PCDH11X: variants seen among roughly 807,000 people sequenced by gnomAD.
PCDH11X encodes protocadherin-11 X-linked.
A neutral mutation model predicts 53.3 loss-of-function variants in PCDH11X; 18 were observed. The ratio of observed to expected loss-of-function variants is 0.34; its 90% CI spans 0.23 to 0.50. PCDH11X has a LOEUF of 0.50. Among genes scored for constraint, PCDH11X ranks in the 20% least tolerant of loss-of-function variants. The pLI is 0.98. For missense variants in PCDH11X, 570 were observed against 1,032.4 expected (o/e 0.55, Z 6.14); for synonymous variants, 279 against 393.3 (o/e 0.71, Z 3.44).
At chrX:92,296,607 C>T (rs1413647260) in intron 8 of PCDH11X, among the ~76,000 whole-genome samples, 1 of 111,216 alleles carries the variant, frequency 9.0e-6, no homozygotes, top group East Asian at 2.8e-4. Flanking sequence ...CATAGTATTC[C>T]ATGATACCTA....
chrX:92,258,211 A>G (rs1395269206), intron 7 of PCDH11X, among the ~76,000 whole-genome samples: 2 of 111,024 alleles, frequency 1.8e-5, no homozygotes, highest in Admixed American at 9.6e-5. Context: ...GCAGTGCAGC[A>G]GGGTCCTCAG....
chrX:92,543,005 A>G (rs1055162406), intron 10 of PCDH11X, among the ~76,000 whole-genome samples: 2 of 111,278 alleles, frequency 1.8e-5, no homozygotes, highest in African/African-American at 6.5e-5. Flanking sequence ...TTAGCCTACA[A>G]TTTTATCCTT....
chrX:91,879,903 T>C (rs1317773284), intron 6 of PCDH11X: 4 of 714,776 alleles, frequency 5.6e-6, no homozygotes, highest in Admixed American at 1.7e-4. Flanking sequence ...TTCTCATCTT[T>C]AAGCCAGAGA....
At chrX:92,250,804 G>A (rs1040829977) in intron 7 of PCDH11X, among the ~76,000 whole-genome samples, 1 of 109,208 alleles carries the variant, frequency 9.2e-6, no homozygotes, top group Non-Finnish European at 1.9e-5. Flanking sequence ...GTAATTTATA[G>A]AGATGGAAAT....
At chrX:92,547,024 A>G (rs745478586) in intron 10 of PCDH11X, among the ~76,000 whole-genome samples, 1 of 109,574 alleles carries the variant, frequency 9.1e-6, no homozygotes, top group South Asian at 4.0e-4. Flanking sequence ...CATTCACTGC[A>G]TGGGAAGAAA....
At chrX:91,782,021 T>A (rs953948393) in intron 1 of PCDH11X, among the ~76,000 whole-genome samples, 1 of 108,945 alleles carries the variant, frequency 9.2e-6, no homozygotes, top group Non-Finnish European at 1.9e-5. Flanking sequence ...AGCCCCTCCT[T>A]CTGGCAATGA....
chrX:92,213,465 A>G (rs1415812291), intron 7 of PCDH11X, among the ~76,000 whole-genome samples: 1 of 111,578 alleles, frequency 9.0e-6, no homozygotes, highest in African/African-American at 3.3e-5. Flanking sequence ...CAAGTGTTTG[A>G]TAGGGGGATT....
intron 10 of PCDH11X, among the ~76,000 whole-genome samples, chrX:92,484,299 G>C (rs184295416): frequency 9.9e-6 from 1 of 101,333 alleles, no homozygotes; most frequent in Non-Finnish European, 2.0e-5. Flanking sequence ...ATATATGTGT[G>C]TGTATATATA....
At chrX:92,557,273 A>G (rs2075060422) in intron 10 of PCDH11X, among the ~76,000 whole-genome samples, 1 of 111,064 alleles carries the variant, frequency 9.0e-6, no homozygotes, top group African/African-American at 3.3e-5. Context: ...CTCCCCCAGA[A>G]AATGAAATGG....
chrX:91,785,005 T>C (rs1935281679), intron 1 of PCDH11X, among the ~76,000 whole-genome samples: 1 of 107,751 alleles, frequency 9.3e-6, no homozygotes, highest in African/African-American at 3.4e-5. Flanking sequence ...TATATTTTTA[T>C]TATGCCTGCA....
intron 6 of PCDH11X, among the ~76,000 whole-genome samples, chrX:92,102,532 G>T (rs1471589094): frequency 1.8e-5 from 2 of 111,460 alleles, no homozygotes; most frequent in African/African-American, 6.5e-5. Context: ...TGTGTTTTTA[G>T]GAGAATTATG....
chrX:92,241,378 C>T (rs918594033), intron 7 of PCDH11X, among the ~76,000 whole-genome samples: 1 of 111,678 alleles, frequency 9.0e-6, no homozygotes, highest in Non-Finnish European at 1.9e-5. Flanking sequence ...TGGTGTGCAA[C>T]GACTTATGAA....
intron 6 of PCDH11X, among the ~76,000 whole-genome samples, chrX:92,051,871 C>G (rs1276704476): frequency 9.1e-6 from 1 of 109,488 alleles, no homozygotes; most frequent in African/African-American, 3.3e-5. Context: ...CAGTATGACA[C>G]TTAAATTATA....
intron 10 of PCDH11X, among the ~76,000 whole-genome samples, chrX:92,590,831 G>A (rs866784815): frequency 9.0e-6 from 1 of 110,744 alleles, no homozygotes; most frequent in Middle Eastern, 4.2e-3. Context: ...TTAACTCAGA[G>A]AAGCCTCCTT....
chrX:92,477,848 G>T (rs1324907168), intron 10 of PCDH11X, among the ~76,000 whole-genome samples: 1 of 104,312 alleles, frequency 9.6e-6, no homozygotes, highest in African/African-American at 3.5e-5. Flanking sequence ...ATTTCTAATT[G>T]TGTTTATTTG....
chrX:92,522,498 G>C (rs1335601550), intron 10 of PCDH11X, among the ~76,000 whole-genome samples: 1 of 110,792 alleles, frequency 9.0e-6, no homozygotes, highest in East Asian at 2.9e-4. Flanking sequence ...AATATTGTGA[G>C]AGTTACCAAA....
intron 9 of PCDH11X, among the ~76,000 whole-genome samples, chrX:92,453,327 T>A (rs2072840061): frequency 9.0e-6 from 1 of 111,128 alleles, no homozygotes; most frequent in Non-Finnish European, 1.9e-5. Flanking sequence ...TAGTCATGAG[T>A]ATCTGTTCTA....
rs1407106215 is a variant in PCDH11X at position 92,619,644 on chromosome X, T to C, written c.*704T>C. 1 of 109,766 alleles carries C rather than the reference T, an allele frequency of 9.1e-6. No individual in the cohort carries two copies. Among genetic ancestry groups the C allele is most frequent in the Non-Finnish European group, 1.9e-5 (1 of 52,707 alleles). 9.0% of individuals were successfully genotyped at this position (109,766 alleles called of 1,213,427 possible). Reference sequence around the variant, plus strand: ...CTATTTCTCTACTCTTTAGTAGAGTTCGAGACACAGAAGTGCAATAACTGC... The same window carrying C: ...CTATTTCTCTACTCTTTAGTAGAGTCCGAGACACAGAAGTGCAATAACTGC... On this transcript the variant is annotated 3_prime_UTR_variant, in exon 11 of 11. Coordinates refer to ENST00000682573, the MANE Select transcript of PCDH11X (RefSeq NM_032968.5).
At chrX:92,381,969 G>A (rs2070884267) in intron 8 of PCDH11X, among the ~76,000 whole-genome samples, 1 of 111,001 alleles carries the variant, frequency 9.0e-6, no homozygotes, top group South Asian at 3.8e-4. Context: ...TGACAATGGA[G>A]TAAGTAGTTT....
Sources: gnomAD v4.1 joint callset for allele counts (sites outside exome capture counted in the v4.1 genomes callset) on GRCh38, gnomAD v4.1.1 for gene constraint, MANE v1.5 for transcripts, NCBI Gene and HGNC (gene_info 2026-07-23, HGNC 2026-07-21) for gene names.